Variants in MGAT1 observed in about 807,000 individuals in gnomAD.
MGAT1 encodes the protein alpha-1,3-mannosyl-glycoprotein 2-beta-N-acetylglucosaminyltransferase.
Under a neutral mutation model 31.7 loss-of-function variants are expected in MGAT1, and 14 were observed. The observed-to-expected ratio is 0.44, with a 90% CI of 0.29 to 0.69. The LOEUF (loss-of-function observed/expected upper bound fraction) is 0.69, where lower values mean the gene tolerates loss of function less well. MGAT1 is among the 30% of genes least tolerant of loss of function. The pLI, the probability that MGAT1 is intolerant of heterozygous loss-of-function variation, is 0.12. For missense variants in MGAT1, 557 were observed against 626.0 expected (o/e 0.89, Z 1.18); for synonymous variants, 338 against 276.0 (o/e 1.22, Z -2.23).
At chr5:180,802,336 G>A (rs931444636) in intron 1 of MGAT1, among the ~76,000 whole-genome samples, 10 of 152,170 alleles carry the variant, frequency 6.6e-5, no homozygotes, top group African/African-American at 1.9e-4. Context: ...GTGAGGTTAG[G>A]GGGGAAAGGC....
chr5:180,802,976 A>G (rs1481133094), upstream of MGAT1: 1 of 148,854 alleles, frequency 6.7e-6, no homozygotes, highest in Non-Finnish European at 1.5e-5. Flanking sequence ...GCCGCTTCTC[A>G]GTCAACCCAG....
upstream of MGAT1, among the ~76,000 whole-genome samples, chr5:180,804,667 T>C (rs1021476178): frequency 1.3e-5 from 2 of 152,186 alleles, no homozygotes; most frequent in South Asian, 4.1e-4. Flanking sequence ...GAAAAAACAA[T>C]TGTGTTTCCT....
upstream of MGAT1, among the ~76,000 whole-genome samples, chr5:180,806,656 A>C (rs1771919758): frequency 6.6e-6 from 1 of 152,120 alleles, no homozygotes; most frequent in South Asian, 2.1e-4. Flanking sequence ...AACCCTTCCC[A>C]CTCAGGGCTT....
At chr5:180,795,298 T>TATATATATATACAC (rs549042117) in intron 1 of MGAT1, 9 of 149,018 alleles carry the variant, frequency 6.0e-5, no homozygotes, top group African/African-American at 1.3e-4. Context: ...TATATATATA[T>TATATATATATACAC]ACACACACAC....
chr5:180,791,804 C>T lies in MGAT1; in HGVS notation c.1168G>A (p.Gly390Ser). ...GCGAAAGCCTTGAAGCTGTCCCTGC[C>T]CGTATACTGCACCCGCACCTCCCCC... ...ELGEVRVQYT[G>S]RDSFKAFAKA... Residue 390 changes from glycine to serine, a missense_variant, in exon 2 of 2, where the codon GGC becomes AGC. This residue lies in a region of MGAT1 where 145 missense variants were observed against 143.2 expected (regional missense o/e 1.01). Coordinates refer to ENST00000307826, the MANE Select transcript of MGAT1 (RefSeq NM_002406.4). 2 of 1,614,214 alleles carry T rather than the reference C, an allele frequency of 1.2e-6. No individual in the cohort carries two copies.
chr5:180,802,428 G>A (rs930930282), intron 1 of MGAT1, among the ~76,000 whole-genome samples: 4 of 152,086 alleles, frequency 2.6e-5, no homozygotes, highest in Admixed American at 6.5e-5. Context: ...CCAGTCCGCG[G>A]AGCCCGCCCT....
intron 1 of MGAT1, among the ~76,000 whole-genome samples, chr5:180,812,810 C>G (rs1772657250): frequency 6.6e-6 from 1 of 151,970 alleles, no homozygotes; most frequent in Non-Finnish European, 1.5e-5. Flanking sequence ...GCCCTTCTCT[C>G]CTTTTCACCA....
At chr5:180,814,182 G>A (rs993660768) in intron 1 of MGAT1, among the ~76,000 whole-genome samples, 1 of 152,164 alleles carries the variant, frequency 6.6e-6, no homozygotes, top group Admixed American at 6.5e-5. Flanking sequence ...TTACCCTGGC[G>A]AGTATTCTTT....
Position 180,786,524 on chromosome 5 carries a change from T to C in MGAT1, c.*5110A>G, listed in dbSNP as rs114818075. On this transcript the variant is annotated 3_prime_UTR_variant, in exon 2 of 2. Coordinates refer to ENST00000307826, the MANE Select transcript of MGAT1 (RefSeq NM_002406.4). The stretch of plus-strand genomic sequence containing the variant: ...TCAGAAATACTTTTTCCAGCCTCTT[T>C]TGCTGACAGGGGTGCCTGTGTGATC... The C allele has an allele frequency of 0.014, 2,169 of 152,338 alleles. 21 individuals carry two copies. Among genetic ancestry groups the C allele is most frequent in the Non-Finnish European group, 0.02 (1,376 of 68,050 alleles). The allele number at this position is 152,338 out of a possible 1,614,324, so 9.4% of individuals were successfully genotyped here.
rs769583419 is a variant in MGAT1, at chr5:180,793,015, C to T, written c.-44G>A. The T allele has an allele frequency of 1.2e-6, 2 of 1,605,636 alleles. No individual in the cohort carries two copies. Among genetic ancestry groups the T allele is most frequent in the East Asian group, 4.5e-5 (2 of 44,702 alleles). ...GGGCAGGCCAGGGGACGGTTCAAGG[C>T]TGCCCTGGGCTTGCCCGGCTCCCTT... On this transcript the variant is annotated 5_prime_UTR_variant, in exon 2 of 2. Coordinates refer to ENST00000307826, the MANE Select transcript of MGAT1 (RefSeq NM_002406.4).
In MGAT1 at chr5:180,787,509, T is replaced by G. The variant is rs1370340372; in HGVS notation, c.*4125A>C. ...AATATGTACATAACACTATGGGTTT[T>G]GGTGGTAAATGTTTTATCTATGCAT... On this transcript the variant is annotated 3_prime_UTR_variant, in exon 2 of 2. Transcript: ENST00000307826. The G allele has an allele frequency of 6.6e-6, 1 of 152,276 alleles. No individual in the cohort carries two copies. Among genetic ancestry groups the G allele is most frequent in the East Asian group, 1.9e-4 (1 of 5,208 alleles). 9.4% of individuals were successfully genotyped at this position (152,276 alleles called of 1,614,324 possible).
At position 180,793,028 on chromosome 5, in the gene MGAT1, G is replaced by T; in HGVS notation, c.-57C>A. 6.3e-7 allele frequency: 1 copy of T among 1,597,754 alleles called. No homozygotes were observed. Among genetic ancestry groups the T allele is most frequent in the Non-Finnish European group, 8.5e-7 (1 of 1,173,132 alleles). ...GACGGTTCAAGGCTGCCCTGGGCTT[G>T]CCCGGCTCCCTTGCCCGCAGTCCTA... On this transcript the variant is annotated 5_prime_UTR_variant, in exon 2 of 2. Transcript: ENST00000307826.
rs759867973 is a variant in MGAT1, at chr5:180,792,807, A to C, written c.165T>G (p.Ile55Met). The change falls in exon 2 of 2, where the codon ATT (isoleucine) becomes ATG (methionine). Residue 55 changes from isoleucine (I) to methionine (M), a missense_variant. Coordinates refer to ENST00000307826, the MANE Select transcript of MGAT1 (RefSeq NM_002406.4). ...CCACCTCGGCGTCTTGGGCCAGGCG[A>C]ATCACTTCCCGGGTGAGGCTGGCGG... Reference protein sequence around the residue: ...GDPASLTREVIRLAQDAEVEL... With the variant: ...GDPASLTREVMRLAQDAEVEL... The C allele has an allele frequency of 2.6e-6, 4 of 1,558,028 alleles. No homozygotes were observed. In the South Asian group the frequency reaches 4.7e-5, roughly 18 times the overall value.
At chr5:180,794,205 CCT>C (rs1015779937) in intron 1 of MGAT1, among the ~76,000 whole-genome samples, 4 of 149,836 alleles carry the variant, frequency 2.7e-5, no homozygotes, top group Admixed American at 6.6e-5. Context: ...ACACGGAGAC[CCT>C]GTCTCTACAA....
Position 180,788,510 on chromosome 5 carries a change from A to G in MGAT1, c.*3124T>C, listed in dbSNP as rs1280937304. ...CACAGTGGCTAACAGCACAGAGTTC[A>G]TTCCAATCCGGCTCTCCCTCAACCA... On this transcript the variant is annotated 3_prime_UTR_variant, in exon 2 of 2. Coordinates refer to ENST00000307826, the MANE Select transcript of MGAT1 (RefSeq NM_002406.4). 6.6e-6 allele frequency: 1 copy of G among 152,448 alleles called. No homozygotes were observed. Among genetic ancestry groups the G allele is most frequent in the Non-Finnish European group, 1.5e-5 (1 of 68,186 alleles). 9.4% of individuals were successfully genotyped at this position (152,448 alleles called of 1,614,324 possible).
chr5:180,799,436 T>A (rs1231705743), intron 1 of MGAT1, among the ~76,000 whole-genome samples: 1 of 152,134 alleles, frequency 6.6e-6, no homozygotes, highest in Non-Finnish European at 1.5e-5. Flanking sequence ...TTCTGTAACA[T>A]CACAGACAGA....
At chr5:180,805,490 G>A (rs1339496971), upstream of MGAT1, among the ~76,000 whole-genome samples, 3 of 152,188 alleles carry the variant, frequency 2.0e-5, no homozygotes, top group Non-Finnish European at 4.4e-5. Flanking sequence ...AGTGGCTCAC[G>A]CCTGTAATCC....
intron 1 of MGAT1, among the ~76,000 whole-genome samples, chr5:180,797,436 G>GA (rs201017018): frequency 1.4e-5 from 2 of 146,896 alleles, no homozygotes; most frequent in African/African-American, 5.1e-5. Flanking sequence ...AAAAGGGGGG[G>GA]GGGGCCCAGA....
rs1049067775 is a variant in MGAT1, at chr5:180,788,870, T to A, written c.*2764A>T. Reference sequence around the variant, plus strand: ...TACTTATCCTGGAGCACTAAGTAAGTTGGTACTTATCCTGGAGCACTCAGA... The same window carrying A: ...TACTTATCCTGGAGCACTAAGTAAGATGGTACTTATCCTGGAGCACTCAGA... On this transcript the variant is annotated 3_prime_UTR_variant, in exon 2 of 2. Coordinates refer to ENST00000307826, the MANE Select transcript of MGAT1 (RefSeq NM_002406.4). The A allele has an allele frequency of 1.3e-5, 2 of 152,344 alleles. No homozygotes were observed. The highest frequency in any genetic ancestry group is 4.8e-5 in the African/African-American group (2 of 41,444). 9.4% of individuals were successfully genotyped at this position (152,344 alleles called of 1,614,324 possible).
Sources: allele counts gnomAD v4.1 joint callset (sites outside exome capture counted in the v4.1 genomes callset), GRCh38; gene constraint gnomAD v4.1.1; regional missense constraint gnomAD v4.1.1; transcripts MANE v1.5; gene names NCBI Gene and HGNC (gene_info 2026-07-23, HGNC 2026-07-21).